Variants in FGD4 observed in about 807,000 individuals in gnomAD.
FGD4 encodes the protein FYVE, RhoGEF and PH domain-containing protein 4.
FGD4 carries 42 observed loss-of-function variants against 102.0 expected under a neutral mutation model. The ratio of observed to expected loss-of-function variants is 0.41; its 90% CI spans 0.32 to 0.53. The LOEUF (loss-of-function observed/expected upper bound fraction) is 0.53, where lower values mean the gene tolerates loss of function less well. Ranked by LOEUF, FGD4 falls within the 20% of genes least tolerant of loss-of-function variation. The pLI, the probability that FGD4 is intolerant of heterozygous loss-of-function variation, is 0.21. For missense variants in FGD4, 902 were observed against 1,078.2 expected (o/e 0.84, Z 2.29); for synonymous variants, 380 against 375.7 (o/e 1.01, Z -0.13).
chr12:32,407,148 A>G (rs1227470038), intron 1 of FGD4, among the ~76,000 whole-genome samples: 2 of 114,868 alleles, frequency 1.7e-5, no homozygotes, highest in Non-Finnish European at 3.5e-5. Context: ...TTTTTGAGAC[A>G]GAGTCTCACT....
chr12:32,602,584 A>C (rs1948495815), intron 7 of FGD4, among the ~76,000 whole-genome samples: 1 of 152,222 alleles, frequency 6.6e-6, no homozygotes, highest in African/African-American at 2.4e-5. Flanking sequence ...ATGAGTTCCC[A>C]TTCGGGTCTG....
chr12:32,624,440 A>G lies in FGD4; in HGVS notation c.1941A>G (p.Glu647=). The G allele has an allele frequency of 6.2e-7, 1 of 1,602,830 alleles. No homozygotes were observed. The highest frequency in any genetic ancestry group is 1.1e-5 in the South Asian group (1 of 90,308). Residue 647 remains glutamate (E), a synonymous_variant, in exon 12 of 17, where the codon GAA becomes GAG. Transcript: ENST00000534526. ...ATTTTAGTTCTGCGCAAGACAAAGA[A>G]GAATGGATCAAGGTAAGCCTCATTT... The part of the protein sequence containing the change: ...ELQASSAQDK[E]EWIKALQETI...
At chr12:32,522,928 T>C (rs1414593449) in intron 1 of FGD4, among the ~76,000 whole-genome samples, 2 of 152,230 alleles carry the variant, frequency 1.3e-5, no homozygotes, top group Non-Finnish European at 2.9e-5. Context: ...CCTGAAATAA[T>C]ATCCTTTCCC....
chr12:32,404,741 A>G (rs1021492997), intron 1 of FGD4, among the ~76,000 whole-genome samples: 7 of 152,116 alleles, frequency 4.6e-5, no homozygotes, highest in African/African-American at 1.7e-4. Flanking sequence ...TTTAAATAAA[A>G]GTATCTTTAG....
chr12:32,552,946 T>C (rs1451414676), intron 1 of FGD4, among the ~76,000 whole-genome samples: 1 of 80,296 alleles, frequency 1.2e-5, no homozygotes, highest in African/African-American at 6.6e-5. Flanking sequence ...CCTGGCTAAT[T>C]TTTTTTTTTT....
At chr12:32,578,694 G>A (rs916565105) in intron 3 of FGD4, among the ~76,000 whole-genome samples, 1 of 152,040 alleles carries the variant, frequency 6.6e-6, no homozygotes, top group Non-Finnish European at 1.5e-5. Context: ...GCCAGGTATG[G>A]TGGTGCACGC....
At chr12:32,529,374 C>T (rs895507652) in intron 1 of FGD4, among the ~76,000 whole-genome samples, 1 of 151,996 alleles carries the variant, frequency 6.6e-6, no homozygotes, top group Non-Finnish European at 1.5e-5. Context: ...ATCCACCCGC[C>T]TCAGCCTCCC....
At chr12:32,435,493 A>T (rs886105792) in intron 1 of FGD4, among the ~76,000 whole-genome samples, 1 of 49,840 alleles carries the variant, frequency 2.0e-5, no homozygotes, top group Non-Finnish European at 3.3e-5. Flanking sequence ...AGCTACAATT[A>T]AAAAAGTGTG....
chr12:32,608,373 A>G (rs1230794105), intron 8 of FGD4, among the ~76,000 whole-genome samples: 1 of 152,256 alleles, frequency 6.6e-6, no homozygotes, highest in Non-Finnish European at 1.5e-5. Flanking sequence ...CATCTAGAAT[A>G]GCAATACACA....
intron 1 of FGD4, among the ~76,000 whole-genome samples, chr12:32,515,516 T>C (rs58789760): frequency 0.028 from 4,299 of 152,334 alleles, 196 homozygotes; most frequent in African/African-American, 0.096. Flanking sequence ...AAATGTATCA[T>C]AGACCGTAGG....
chr12:32,540,090 G>C (rs1412122853), intron 1 of FGD4, among the ~76,000 whole-genome samples: 1 of 151,976 alleles, frequency 6.6e-6, no homozygotes, highest in Non-Finnish European at 1.5e-5. Flanking sequence ...ATCTAAAATT[G>C]ACCATTTTGA....
chr12:32,508,428 T>C (rs1939011893), intron 1 of FGD4, among the ~76,000 whole-genome samples: 1 of 152,238 alleles, frequency 6.6e-6, no homozygotes, highest in Admixed American at 6.5e-5. Flanking sequence ...TCTTTATCTT[T>C]TTCATCCACA....
chr12:32,573,134 C>T (rs1945811361), intron 2 of FGD4, among the ~76,000 whole-genome samples: 1 of 152,058 alleles, frequency 6.6e-6, no homozygotes, highest in Non-Finnish European at 1.5e-5. Context: ...TTCACTCTGT[C>T]GCACAGGCTG....
At chr12:32,600,989 T>G (rs1238180318) in intron 5 of FGD4, among the ~76,000 whole-genome samples, 2 of 152,254 alleles carry the variant, frequency 1.3e-5, no homozygotes, top group African/African-American at 2.4e-5. Flanking sequence ...GGGTGAATTC[T>G]ATTAACCTCA....
In FGD4 at chr12:32,619,878, A is replaced by G; in HGVS notation, c.1922+8A>G. On this transcript the variant is annotated splice_region_variant and intron_variant, in intron 11 of 16. Transcript: ENST00000534526. ...ACTGGAACTGCAGGCCAGGTAAGGG[A>G]ACCATTTCTATCACACTGCTTTCCA... is the stretch of plus-strand genomic sequence containing the variant. 1 of 1,614,040 alleles carries G rather than the reference A, an allele frequency of 6.2e-7. No homozygotes were observed. Among genetic ancestry groups the G allele is most frequent in the East Asian group, 2.2e-5 (1 of 44,862 alleles).
Position 32,638,652 on chromosome 12 carries a change from T to C in FGD4, c.2314-3T>C. The stretch of plus-strand genomic sequence containing the variant: ...ATTCTGTCTTTCCATTATATTTTTC[T>C]AGATTGAATCAGCAGAAGTATCTGG... On this transcript the variant is annotated splice_region_variant and splice_polypyrimidine_tract_variant and intron_variant, in intron 15 of 16. Coordinates refer to ENST00000534526, the MANE Select transcript of FGD4 (RefSeq NM_001370298.3). 4 of 1,614,184 alleles carry C rather than the reference T, an allele frequency of 2.5e-6. No homozygotes were observed. Among genetic ancestry groups the C allele is most frequent in the Non-Finnish European group, 3.4e-6 (4 of 1,180,004 alleles).
chr12:32,412,913 T>TTTTTTC lies in FGD4; in HGVS notation c.166+12959_166+12960insCTTTTT, dbSNP rs1941265537. On this transcript the variant is annotated intron_variant, in intron 1 of 16. Transcript: ENST00000534526. Reference sequence around the variant, plus strand: ...CTTTTCTAGAAATTTTTTTTTTTTTTTTTTTTTTTTTAATTAGCCAGCCAT... The same window carrying TTTTTTC: ...CTTTTCTAGAAATTTTTTTTTTTTTTTTTTTCTTTTTTTTTTTAATTAGCCAGCCAT... 2.1e-5 allele frequency among the ~76,000 whole-genome samples: 3 copies of TTTTTTC among 141,024 alleles called. No homozygotes were observed. The South Asian group carries it at 6.9e-4, about 32-fold the overall frequency. The allele number at this position is 141,024 out of a possible 152,430, so 92.5% of individuals were successfully genotyped here.
intron 1 of FGD4, among the ~76,000 whole-genome samples, chr12:32,449,780 C>T (rs1942717936): frequency 6.6e-6 from 1 of 152,048 alleles, no homozygotes. Flanking sequence ...CTCTGTTGCC[C>T]AGCCTAAAGT....
chr12:32,478,154 G>T (rs191271407), intron 1 of FGD4, among the ~76,000 whole-genome samples: 2 of 151,980 alleles, frequency 1.3e-5, no homozygotes, highest in Non-Finnish European at 2.9e-5. Flanking sequence ...CTTTTTTATC[G>T]TATTGTTGTA....
Sources: gnomAD v4.1 joint callset for allele counts (sites outside exome capture counted in the v4.1 genomes callset) on GRCh38, gnomAD v4.1.1 for gene constraint, MANE v1.5 for transcripts, NCBI Gene and HGNC (gene_info 2026-07-23, HGNC 2026-07-21) for gene names.